Variants in CLPB observed in about 807,000 individuals in gnomAD.
CLPB encodes the protein ClpB family mitochondrial disaggregase.
Under a neutral mutation model 78.4 loss-of-function variants are expected in CLPB, and 40 were observed. That is an observed-to-expected ratio of 0.51 (90% CI 0.40 to 0.66). The LOEUF (loss-of-function observed/expected upper bound fraction) is 0.66. Ranked by LOEUF, CLPB falls within the 30% of genes least tolerant of loss-of-function variation. The pLI, the probability that CLPB is intolerant of heterozygous loss-of-function variation, is 0.00. For synonymous variants in CLPB, 333 were observed against 348.0 expected, an observed-to-expected ratio of 0.96 and a Z score of 0.48; for missense variants, 780 against 886.9, an observed-to-expected ratio of 0.88 and a Z score of 1.53.
chr11:72,371,533 A>AAAAATAAAATAAAATAAAATAAAAT (rs5792587), intron 4 of CLPB, among the ~76,000 whole-genome samples: 8 of 126,220 alleles, frequency 6.3e-5, no homozygotes, highest in African/African-American at 5.9e-5. Flanking sequence ...ACTCTGTCTC[A>AAAAATAAAATAAAATAAAATAAAAT]AAAATAAAAT....
Position 72,287,174 on chromosome 11 carries a change from A to G in CLPB, c.*6193T>C, listed in dbSNP as rs1212501452. Reference sequence around the variant, plus strand: ...TGGCACTTTATCAGGTTTGAGTACAATAATAGTTAAAACTCATCTATTTTG... The same window carrying G: ...TGGCACTTTATCAGGTTTGAGTACAGTAATAGTTAAAACTCATCTATTTTG... On this transcript the variant is annotated 3_prime_UTR_variant, in exon 16 of 16. Transcript: ENST00000538039. 6.6e-6 allele frequency: 1 copy of G among 152,182 alleles called. No individual in the cohort carries two copies. The allele number at this position is 152,182 out of a possible 1,614,324, so 9.4% of individuals were successfully genotyped here. A position where few individuals can be genotyped will look rare whatever the true frequency, so the allele number is the denominator to read the frequency against.
intron 5 of CLPB, among the ~76,000 whole-genome samples, chr11:72,357,844 C>CAG (rs1014338950): frequency 4.6e-5 from 7 of 152,024 alleles, no homozygotes; most frequent in African/African-American, 1.7e-4. Context: ...CAGAGTGGCC[C>CAG]AGAGACCTTT....
In CLPB at chr11:72,388,493, C is replaced by T. The variant is rs561536858; in HGVS notation, c.543-8109G>A. 5.9e-5 allele frequency among the ~76,000 whole-genome samples: 9 copies of T among 152,144 alleles called. No individual in the cohort carries two copies. The South Asian group carries it at 6.2e-4, about 11-fold the overall frequency. ...GTCTCGATCTCCTGACCTCGTGATC[C>T]GCCCGCTTCAGCCTCCCAAAGTGCT... On this transcript the variant is annotated intron_variant, in intron 3 of 15. Coordinates refer to ENST00000538039, the MANE Select transcript of CLPB (RefSeq NM_001258392.3).
chr11:72,355,511 A>G (rs1387837821), intron 5 of CLPB, among the ~76,000 whole-genome samples: 1 of 152,238 alleles, frequency 6.6e-6, no homozygotes, highest in Non-Finnish European at 1.5e-5. Flanking sequence ...GGCTTTCATA[A>G]AAAATACCAC....
chr11:72,325,102 C>A (rs1045446995), intron 6 of CLPB, among the ~76,000 whole-genome samples: 31 of 151,912 alleles, frequency 2.0e-4, no homozygotes, highest in African/African-American at 6.8e-4. Context: ...GAGCACGTTC[C>A]CCTCAGCTGA....
At chr11:72,375,802 CT>C (rs1403968382) in intron 4 of CLPB, among the ~76,000 whole-genome samples, 2 of 152,224 alleles carry the variant, frequency 1.3e-5, no homozygotes, top group Admixed American at 6.5e-5. Context: ...TAAGAACACG[CT>C]GAATTATGCA....
In CLPB at chr11:72,338,398, T is replaced by C. The variant is rs778299727; in HGVS notation, c.776-8594A>G. Among the ~76,000 whole-genome samples the C allele has an allele frequency of 5.3e-5, 8 of 152,122 alleles. 1 individual carries two copies. Among genetic ancestry groups the C allele is most frequent in the Non-Finnish European group, 5.9e-5 (4 of 68,008 alleles). ...TTAGAGCTCAAGGTCACAGAGACTA[T>C]GAGTAGGAGAGTGGGAGCTAGAACC... On this transcript the variant is annotated intron_variant, in intron 5 of 15. Coordinates refer to ENST00000538039, the MANE Select transcript of CLPB (RefSeq NM_001258392.3).
At chr11:72,295,210 T>G (rs1475689847) in intron 12 of CLPB, among the ~76,000 whole-genome samples, 4 of 152,224 alleles carry the variant, frequency 2.6e-5, no homozygotes, top group Admixed American at 2.6e-4. Flanking sequence ...CCTAAGACAC[T>G]GAGCAGCTTC....
intron 5 of CLPB, among the ~76,000 whole-genome samples, chr11:72,331,093 A>T (rs10793027): frequency 0.62 from 94,362 of 151,852 alleles, 31,030 homozygotes; most frequent in African/African-American, 0.86. Context: ...AATTTTTAAT[A>T]AAACTTTTTT....
chr11:72,354,902 TCCCCAGAG>T (rs755785399), intron 5 of CLPB, among the ~76,000 whole-genome samples: 8 of 152,096 alleles, frequency 5.3e-5, no homozygotes, highest in Non-Finnish European at 1.2e-4. Flanking sequence ...CCCCTGTTCG[TCCCCAGAG>T]CCCCTTGTCC....
chr11:72,413,255 C>T (rs1441487419), intron 2 of CLPB, among the ~76,000 whole-genome samples: 1 of 151,854 alleles, frequency 6.6e-6, no homozygotes, highest in Non-Finnish European at 1.5e-5. Context: ...TGCTATTGCA[C>T]TCCAGCCTGG....
rs1489284640 is a variant in CLPB at position 72,380,385 on chromosome 11, C to G, written c.543-1G>C. 6.2e-7 allele frequency: 1 copy of G among 1,613,124 alleles called. No individual in the cohort carries two copies. The highest frequency in any genetic ancestry group is 1.1e-5 in the South Asian group (1 of 91,058). On this transcript the variant is annotated splice_acceptor_variant, in intron 3 of 15. Coordinates refer to ENST00000538039, the MANE Select transcript of CLPB (RefSeq NM_001258392.3). LOFTEE classifies it high-confidence loss of function. ...AGCAGCAAGCAGGACCTGTACCACA[C>G]TAGAAGAAATCACAAAGACAGAAGT...
At chr11:72,327,148 C>T (rs1950146819) in intron 6 of CLPB, among the ~76,000 whole-genome samples, 1 of 152,200 alleles carries the variant, frequency 6.6e-6, no homozygotes, top group African/African-American at 2.4e-5. Context: ...TAAGGCAGCC[C>T]CTCCATGGTG....
intron 1 of CLPB, among the ~76,000 whole-genome samples, chr11:72,433,367 G>T (rs11235497): frequency 0.014 from 2,057 of 151,962 alleles, 40 homozygotes; most frequent in African/African-American, 0.047. Flanking sequence ...AGACCATCCT[G>T]ACCAACAACT....
intron 5 of CLPB, among the ~76,000 whole-genome samples, chr11:72,351,055 A>T (rs187784628): frequency 3.3e-5 from 5 of 152,352 alleles, no homozygotes; most frequent in Non-Finnish European, 7.3e-5. Flanking sequence ...GAATCCAAAC[A>T]AGAAGAAGAA....
Position 72,294,646 on chromosome 11 carries a change from C to G in CLPB, c.1534G>C (p.Glu512Gln). The change falls in exon 13 of 16, where the codon GAG (glutamate) becomes CAG (glutamine). Residue 512 changes from glutamate (E) to glutamine (Q), a missense_variant. Coordinates refer to ENST00000538039, the MANE Select transcript of CLPB (RefSeq NM_001258392.3). ...TTCAGGATAGGGCGAATCACATTCTCCTTGAAGTTCTTTGAGATGGTGATC... is the reference window on the plus strand; with the variant it reads ...TTCAGGATAGGGCGAATCACATTCTGCTTGAAGTTCTTTGAGATGGTGATC... ...DKITISKNFK[E>Q]NVIRPILKAH... 1 of 1,614,192 alleles carries G rather than the reference C, an allele frequency of 6.2e-7. No homozygotes were observed. The highest frequency in any genetic ancestry group is 8.5e-7 in the Non-Finnish European group (1 of 1,179,990).
chr11:72,329,867 T>C (rs1234816334), intron 5 of CLPB, 63 bp from the exon 6 acceptor site: 2 of 1,320,086 alleles, frequency 1.5e-6, no homozygotes, highest in Middle Eastern at 1.8e-4. Flanking sequence ...CAGCCTTCCC[T>C]TGGAGGTGGC....
intron 4 of CLPB, 154 bp from the exon 5 acceptor site, chr11:72,359,162 G>C (rs1349459937): frequency 1.8e-6 from 2 of 1,127,946 alleles, no homozygotes; most frequent in Non-Finnish European, 2.6e-6. Flanking sequence ...TCTGTGCTGG[G>C]TAAGAAGAGG....
At chr11:72,404,581 T>C (rs1855650816) in intron 2 of CLPB, among the ~76,000 whole-genome samples, 1 of 152,150 alleles carries the variant, frequency 6.6e-6, no homozygotes, top group African/African-American at 2.4e-5. Flanking sequence ...AATGGGACTA[T>C]GGGTTGCAGG....
Sources: gnomAD v4.1 joint callset for allele counts (sites outside exome capture counted in the v4.1 genomes callset) on GRCh38, gnomAD v4.1.1 for gene constraint, MANE v1.5 for transcripts, NCBI Gene and HGNC (gene_info 2026-07-23, HGNC 2026-07-21) for gene names.